The following CHRM3 variants were observed in gnomAD, a reference collection of about 807,000 sequenced individuals.
CHRM3 encodes the protein cholinergic receptor muscarinic 3, also known as muscarinic acetylcholine receptor M3.
In CHRM3, 11 loss-of-function variants were observed where a neutral mutation model predicts 41.8. The observed-to-expected ratio is 0.26, with a 90% CI of 0.17 to 0.44. The LOEUF (loss-of-function observed/expected upper bound fraction) is 0.44, where lower values mean the gene tolerates loss of function less well. Among genes scored for constraint, CHRM3 ranks in the 20% least tolerant of loss-of-function variants. The pLI, the probability that CHRM3 is intolerant of heterozygous loss-of-function variation, is 1.00. For synonymous variants in CHRM3, 297 were observed against 301.4 expected (o/e 0.99, Z 0.15); for missense variants, 571 against 745.4 (o/e 0.77, Z 2.72).
At chr1:239,784,112 T>A (rs1322636029) in intron 5 of CHRM3, among the ~76,000 whole-genome samples, 1 of 152,220 alleles carries the variant, frequency 6.6e-6, no homozygotes. Context: ...CTTACTTAGA[T>A]GCTTTCTTGT....
At chr1:239,429,971 A>ACC (rs1662695837) in intron 1 of CHRM3, among the ~76,000 whole-genome samples, 1 of 124,820 alleles carries the variant, frequency 8.0e-6, no homozygotes, top group Non-Finnish European at 1.7e-5. Flanking sequence ...CACCCAGACA[A>ACC]TCTTTTTTTT....
chr1:239,846,953 G>GCTTA (rs1674316077), intron 6 of CHRM3, among the ~76,000 whole-genome samples: 1 of 152,140 alleles, frequency 6.6e-6, no homozygotes, highest in Non-Finnish European at 1.5e-5. Context: ...AGAATACTAA[G>GCTTA]CTTCAGTAAT....
At chr1:239,410,486 A>G (rs1288276707) in intron 1 of CHRM3, among the ~76,000 whole-genome samples, 1 of 152,216 alleles carries the variant, frequency 6.6e-6, no homozygotes, top group Non-Finnish European at 1.5e-5. Flanking sequence ...CAAGGCCTAG[A>G]GGGCTGATAC....
intron 1 of CHRM3, among the ~76,000 whole-genome samples, chr1:239,394,730 A>G (rs1558187821): frequency 6.6e-6 from 1 of 152,166 alleles, no homozygotes; most frequent in Non-Finnish European, 1.5e-5. Context: ...CAAAAATCTA[A>G]TTCTCATTGT....
At position 239,864,290 on chromosome 1, in the gene CHRM3, C is replaced by T. The variant is rs1295521444; in HGVS notation, c.-20+36912C>T. Among the ~76,000 whole-genome samples the T allele has an allele frequency of 3.9e-5, 6 of 152,104 alleles. 1 individual carries two copies. Among genetic ancestry groups the T allele is most frequent in the Middle Eastern group, 6.8e-3 (2 of 292 alleles). On this transcript the variant is annotated intron_variant, in intron 6 of 6. Coordinates refer to ENST00000676153, the MANE Select transcript of CHRM3 (RefSeq NM_001375978.1). ...GGGAGGCTGAGGCGGGCAGATCACC[C>T]GAGGTCGAGAGTTTGAGACCAGCCC... is the stretch of plus-strand genomic sequence containing the variant.
At chr1:239,611,655 G>A (rs563778380) in intron 3 of CHRM3, among the ~76,000 whole-genome samples, 15 of 152,054 alleles carry the variant, frequency 9.9e-5, no homozygotes, top group East Asian at 1.9e-4. Context: ...TCCTGACCTC[G>A]TGATCCGCCC....
intron 5 of CHRM3, among the ~76,000 whole-genome samples, chr1:239,684,858 G>T (rs893729333): frequency 4.6e-5 from 7 of 152,064 alleles, no homozygotes; most frequent in African/African-American, 7.2e-5. Context: ...ACAGTGGATG[G>T]AGAGAGTGAG....
At chr1:239,687,939 C>T (rs888353557) in intron 5 of CHRM3, among the ~76,000 whole-genome samples, 2 of 152,036 alleles carry the variant, frequency 1.3e-5, no homozygotes, top group Admixed American at 1.3e-4. Flanking sequence ...TGACACATTT[C>T]TTAGAACATG....
At position 239,413,857 on chromosome 1, in the gene CHRM3, A is replaced by C. The variant is rs566088494; in HGVS notation, c.-521+26630A>C. Reference sequence around the variant, plus strand: ...TATGTGCACGTTTTTTTAAACAAACAGCTAAATGTCAGTTTGTTTTTCATT... The same window carrying C: ...TATGTGCACGTTTTTTTAAACAAACCGCTAAATGTCAGTTTGTTTTTCATT... On this transcript the variant is annotated intron_variant, in intron 1 of 6. Transcript: ENST00000676153. Among the ~76,000 whole-genome samples the C allele has an allele frequency of 7.2e-5, 11 of 152,336 alleles. No homozygotes were observed. In the East Asian group the frequency reaches 2.1e-3, roughly 29 times the overall value.
At chr1:239,483,464 G>A (rs1009007617) in intron 1 of CHRM3, among the ~76,000 whole-genome samples, 1 of 152,214 alleles carries the variant, frequency 6.6e-6, no homozygotes, top group African/African-American at 2.4e-5. Context: ...AGCTCAAGGA[G>A]CCTAAGATGG....
At chr1:239,873,903 T>C (rs2149333438) in intron 6 of CHRM3, among the ~76,000 whole-genome samples, 1 of 152,242 alleles carries the variant, frequency 6.6e-6, no homozygotes, top group African/African-American at 2.4e-5. Context: ...GCCTACCTGC[T>C]CCTCTCATCG....
chr1:239,685,253 G>A (rs1050210446), intron 5 of CHRM3, among the ~76,000 whole-genome samples: 66 of 152,282 alleles, frequency 4.3e-4, no homozygotes, highest in African/African-American at 1.5e-3. Flanking sequence ...CTGAGCTTCA[G>A]TTTCTTCATC....
At chr1:239,505,259 G>GGAT (rs3028735) in intron 2 of CHRM3, among the ~76,000 whole-genome samples, 4,482 of 144,844 alleles carry the variant, frequency 0.031, 182 homozygotes, top group African/African-American at 0.084. Flanking sequence ...CTGTTTCCTG[G>GGAT]GATGATGATG....
chr1:239,593,032 C>A (rs911724296), intron 3 of CHRM3, among the ~76,000 whole-genome samples: 2 of 152,130 alleles, frequency 1.3e-5, no homozygotes, highest in African/African-American at 4.8e-5. Context: ...AACTCCCCAT[C>A]TTCCACCCTG....
At chr1:239,877,388 C>T (rs997432528) in intron 6 of CHRM3, among the ~76,000 whole-genome samples, 4 of 150,728 alleles carry the variant, frequency 2.7e-5, no homozygotes, top group Non-Finnish European at 5.9e-5. Flanking sequence ...TCAAGGCCTG[C>T]CTGGTCAACA....
chr1:239,413,058 C>G (rs1471951191), intron 1 of CHRM3, among the ~76,000 whole-genome samples: 1 of 147,232 alleles, frequency 6.8e-6, no homozygotes, highest in Non-Finnish European at 1.5e-5. Flanking sequence ...AGCCTGGTGA[C>G]AGAGCGAGAC....
chr1:239,648,591 A>G (rs1054844972), intron 4 of CHRM3, among the ~76,000 whole-genome samples: 4 of 152,076 alleles, frequency 2.6e-5, no homozygotes, highest in Admixed American at 6.6e-5. Context: ...GGAATTCTGG[A>G]GAGGAGCGAG....
At chr1:239,864,519 T>TACACACACACACAC (rs199613762) in intron 6 of CHRM3, among the ~76,000 whole-genome samples, 1 of 148,038 alleles carries the variant, frequency 6.8e-6, no homozygotes, top group Non-Finnish European at 1.5e-5. Context: ...AAACAGAAAA[T>TACACACACACACAC]ACACACACAC....
intron 5 of CHRM3, among the ~76,000 whole-genome samples, chr1:239,761,952 G>A (rs935700643): frequency 5.9e-5 from 9 of 152,222 alleles, no homozygotes; most frequent in South Asian, 2.1e-4. Context: ...CTGTTTGAAC[G>A]TCCCTTCCCT....
Sources: gnomAD v4.1 joint callset for allele counts (sites outside exome capture counted in the v4.1 genomes callset) on GRCh38, gnomAD v4.1.1 for gene constraint, MANE v1.5 for transcripts, NCBI Gene and HGNC (gene_info 2026-07-23, HGNC 2026-07-21) for gene names.